Variants in GRAMD4 observed in about 807,000 individuals in gnomAD.
The protein encoded by GRAMD4 is GRAM domain-containing protein 4.
GRAMD4 carries 25 observed loss-of-function variants against 83.9 expected under a neutral mutation model. That is an observed-to-expected ratio of 0.30 (90% CI 0.22 to 0.42). The LOEUF is 0.42. Ranked by LOEUF, GRAMD4 falls within the 10% of genes least tolerant of loss-of-function variation. The pLI is 1.00. For synonymous variants in GRAMD4, 336 were observed against 320.9 expected, an observed-to-expected ratio of 1.05 and a Z score of -0.50; for missense variants, 593 against 788.7, an observed-to-expected ratio of 0.75 and a Z score of 2.97.
At chr22:46,664,487 C>A (rs2082378236) in intron 8 of GRAMD4, among the ~76,000 whole-genome samples, 1 of 151,926 alleles carries the variant, frequency 6.6e-6, no homozygotes, top group African/African-American at 2.4e-5. Flanking sequence ...AGGAGTACCT[C>A]CAAGGGCATG....
At chr22:46,645,415 C>T (rs1009664061) in intron 3 of GRAMD4, among the ~76,000 whole-genome samples, 2 of 152,250 alleles carry the variant, frequency 1.3e-5, no homozygotes, top group African/African-American at 4.8e-5. Flanking sequence ...TGCAGGAGGG[C>T]GTGCTGACAT....
chr22:46,634,287 C>A (rs534243047), intron 2 of GRAMD4, among the ~76,000 whole-genome samples: 1 of 152,146 alleles, frequency 6.6e-6, no homozygotes, highest in South Asian at 2.1e-4. Context: ...CCTTGCCTTG[C>A]AACCGCTGTG....
chr22:46,655,467 G>A (rs1286414621), intron 3 of GRAMD4, among the ~76,000 whole-genome samples: 1 of 152,176 alleles, frequency 6.6e-6, no homozygotes, highest in Non-Finnish European at 1.5e-5. Flanking sequence ...ATGGGGCTGG[G>A]GCAGCTGAGA....
At chr22:46,681,929 T>G (rs1389558820), downstream of GRAMD4, among the ~76,000 whole-genome samples, 1 of 152,122 alleles carries the variant, frequency 6.6e-6, no homozygotes, top group Non-Finnish European at 1.5e-5. Flanking sequence ...CAGCAGTGTT[T>G]GGAGGACAGG....
intron 1 of GRAMD4, among the ~76,000 whole-genome samples, chr22:46,607,158 G>A (rs369706245): frequency 1.6e-4 from 24 of 151,918 alleles, no homozygotes; most frequent in African/African-American, 5.8e-4. Context: ...ACCCTGTGAT[G>A]GTTGTGATGT....
intron 1 of GRAMD4, among the ~76,000 whole-genome samples, chr22:46,594,713 A>G (rs2081244065): frequency 6.7e-6 from 1 of 148,224 alleles, no homozygotes; most frequent in Non-Finnish European, 1.5e-5. Context: ...CGGACTGGAG[A>G]TGGAGGCTGG....
At chr22:46,628,090 C>T (rs5769043) in intron 2 of GRAMD4, among the ~76,000 whole-genome samples, 14 of 152,290 alleles carry the variant, frequency 9.2e-5, no homozygotes, top group African/African-American at 3.4e-4. Context: ...CACGATTCTC[C>T]GATGGTGGTC....
rs191696689 is a variant in GRAMD4, at chr22:46,661,334, G to T, written c.405-47G>T. ...TCGGGGGTGCCTGACTGGGCATGGAGTTTGGAACTAACAGACCTCTTGTCT... is the reference window on the plus strand; with the variant it reads ...TCGGGGGTGCCTGACTGGGCATGGATTTTGGAACTAACAGACCTCTTGTCT... On this transcript the variant is annotated intron_variant, in intron 4 of 18. Transcript: ENST00000406902. 7.1e-5 allele frequency: 107 copies of T among 1,510,252 alleles called. No individual in the cohort carries two copies. The East Asian group carries it at 2.4e-3, about 34-fold the overall frequency. The allele number at this position is 1,510,252 out of a possible 1,614,324, so 93.6% of individuals were successfully genotyped here. A position where few individuals can be genotyped will look rare whatever the true frequency, so the allele number is the denominator to read the frequency against.
In GRAMD4 at chr22:46,672,039, G is replaced by T. The variant is rs2082514515; in HGVS notation, c.1085-804G>T. Among the ~76,000 whole-genome samples, 1 of 152,256 alleles carries T rather than the reference G, an allele frequency of 6.6e-6. No individual in the cohort carries two copies. The highest frequency in any genetic ancestry group is 2.4e-5 in the African/African-American group (1 of 41,476). ...CGTCTGGTCTGGTCTGGCGGGCTGT[G>T]CACTGGGGGCAGCGAGACAGCCCCC... On this transcript the variant is annotated intron_variant, in intron 13 of 18. Coordinates refer to ENST00000406902, the MANE Select transcript of GRAMD4 (RefSeq NM_015124.5). The surrounding 1 kb of genome is among the most constrained non-coding windows in gnomAD (Gnocchi z 4.7).
At chr22:46,577,662 A>G (rs62231803) in intron 1 of GRAMD4, among the ~76,000 whole-genome samples, 2,751 of 151,910 alleles carry the variant, frequency 0.018, 42 homozygotes, top group Non-Finnish European at 0.03. Context: ...CGGGCCCGCC[A>G]ATGTCGTCCT....
At chr22:46,663,497 T>C (rs2082361743) in intron 6 of GRAMD4, among the ~76,000 whole-genome samples, 1 of 152,192 alleles carries the variant, frequency 6.6e-6, no homozygotes, top group Non-Finnish European at 1.5e-5. Context: ...TTGGTTCCCC[T>C]GCCAGGTGCT....
Position 46,620,640 on chromosome 22 carries a change from C to T in GRAMD4, c.-50+75C>T, listed in dbSNP as rs375271965. 6 of 473,528 alleles carry T rather than the reference C, an allele frequency of 1.3e-5. No homozygotes were observed. In the East Asian group the frequency reaches 7.7e-4, roughly 60 times the overall value. 29.3% of individuals were successfully genotyped at this position (473,528 alleles called of 1,614,324 possible). A position where few individuals can be genotyped will look rare whatever the true frequency, so the allele number is the denominator to read the frequency against. Reference sequence around the variant, plus strand: ...GTGGAAGCCCCAGCCTTGGGAAAAGCTGCTACTCTCTGGGGCAGTGGTCCC... The same window carrying T: ...GTGGAAGCCCCAGCCTTGGGAAAAGTTGCTACTCTCTGGGGCAGTGGTCCC... On this transcript the variant is annotated intron_variant, in intron 1 of 18. Transcript: ENST00000406902. This position sits in a 1 kb window ranked among gnomAD's most constrained non-coding sequence, Gnocchi z 4.7.
downstream of GRAMD4, among the ~76,000 whole-genome samples, chr22:46,680,160 C>T (rs2082652929): frequency 6.6e-6 from 1 of 152,170 alleles, no homozygotes; most frequent in Non-Finnish European, 1.5e-5. Flanking sequence ...GGCATGCAGG[C>T]TTTGGCCCCT....
At chr22:46,625,311 A>T (rs192682619) in intron 1 of GRAMD4, among the ~76,000 whole-genome samples, 1 of 152,266 alleles carries the variant, frequency 6.6e-6, no homozygotes, top group East Asian at 1.9e-4. Flanking sequence ...CTCACTGTTA[A>T]TGAGTCTTCT....
intron 3 of GRAMD4, among the ~76,000 whole-genome samples, chr22:46,646,574 C>T (rs1441735909): frequency 1.3e-5 from 2 of 152,200 alleles, no homozygotes; most frequent in South Asian, 2.1e-4. Context: ...GGGGAGCTGC[C>T]AGCTCCCTGC....
At chr22:46,593,703 C>T (rs1269706392) in intron 1 of GRAMD4, among the ~76,000 whole-genome samples, 1 of 151,990 alleles carries the variant, frequency 6.6e-6, no homozygotes, top group Admixed American at 6.6e-5. Flanking sequence ...TGTGCATAGT[C>T]CTCTTTTGTC....
chr22:46,612,254 G>C (rs1428943408), intron 1 of GRAMD4, among the ~76,000 whole-genome samples: 1 of 152,154 alleles, frequency 6.6e-6, no homozygotes, highest in Non-Finnish European at 1.5e-5. Context: ...TGATTCTCCT[G>C]CATTGGACTC....
At chr22:46,635,158 T>C (rs376831703) in intron 2 of GRAMD4, among the ~76,000 whole-genome samples, 3,567 of 29,010 alleles carry the variant, frequency 0.12, 74 homozygotes, top group African/African-American at 0.19. Context: ...CCTCCACCCC[T>C]GGCCACTCCT....
At position 46,678,323 on chromosome 22, in the gene GRAMD4, A is replaced by C. The variant is rs1207138124; in HGVS notation, c.*1072A>C. 1 of 985,366 alleles carries C rather than the reference A, an allele frequency of 1.0e-6. No homozygotes were observed. Among genetic ancestry groups the C allele is most frequent in the African/African-American group, 1.7e-5 (1 of 57,210 alleles). 61.0% of individuals were successfully genotyped at this position (985,366 alleles called of 1,614,324 possible). ...GCCGAGCCCAGAGGCCTGGGCCTGC[A>C]CTGCCTGCAGCCGACATGCGACAGC... On this transcript the variant is annotated 3_prime_UTR_variant, in exon 19 of 19. Coordinates refer to ENST00000406902, the MANE Select transcript of GRAMD4 (RefSeq NM_015124.5).
Sources: gnomAD v4.1 joint callset for allele counts (sites outside exome capture counted in the v4.1 genomes callset) on GRCh38, gnomAD v4.1.1 for gene constraint, Gnocchi (gnomAD v3.1) non-coding constraint, MANE v1.5 for transcripts, NCBI Gene and HGNC (gene_info 2026-07-23, HGNC 2026-07-21) for gene names.